SNX1: variants seen among roughly 807,000 people sequenced by gnomAD.
The protein encoded by SNX1 is sorting nexin-1.
Under a neutral mutation model 71.8 loss-of-function variants are expected in SNX1, and 36 were observed. That is an observed-to-expected ratio of 0.50 (90% CI 0.38 to 0.66). The LOEUF is 0.66. Ranked by LOEUF, SNX1 falls within the 30% of genes least tolerant of loss-of-function variation. SNX1 has a pLI of 0.00. For missense variants in SNX1, 612 were observed against 646.7 expected (o/e 0.95, Z 0.58); for synonymous variants, 254 against 240.7 (o/e 1.06, Z -0.51).
chr15:64,138,199 G>A lies in SNX1; in HGVS notation c.*581G>A. ...GCCTACCTCAGCTACCTGTTCTGAGGGTCTCAATCTGTTTCGTATTCCCAC... is the reference window on the plus strand; with the variant it reads ...GCCTACCTCAGCTACCTGTTCTGAGAGTCTCAATCTGTTTCGTATTCCCAC... On this transcript the variant is annotated 3_prime_UTR_variant, in exon 15 of 15. Coordinates refer to ENST00000559844, the MANE Select transcript of SNX1 (RefSeq NM_003099.5). 6.6e-7 allele frequency: 1 copy of A among 1,521,894 alleles called. No individual in the cohort carries two copies. The highest frequency in any genetic ancestry group is 1.2e-5 in the South Asian group (1 of 80,964). The allele number at this position is 1,521,894 out of a possible 1,614,324, so 94.3% of individuals were successfully genotyped here.
intron 4 of SNX1, among the ~76,000 whole-genome samples, 156 bp from the exon 5 acceptor site, chr15:64,123,347 A>G (rs573149656): frequency 2.0e-5 from 3 of 152,340 alleles, no homozygotes; most frequent in African/African-American, 7.2e-5. Context: ...CAAAGTAGGA[A>G]CTGGATTCTA....
chr15:64,131,588 A>G (rs2081307520), intron 10 of SNX1, 99 bp from the exon 11 acceptor site: 1 of 1,077,942 alleles, frequency 9.3e-7, no homozygotes, highest in Non-Finnish European at 1.4e-6. Flanking sequence ...CCAGATATGC[A>G]GTGGGCGGCA....
At chr15:64,102,478 AT>A (rs1280372917) in intron 1 of SNX1, among the ~76,000 whole-genome samples, 1 of 152,058 alleles carries the variant, frequency 6.6e-6, no homozygotes, top group Non-Finnish European at 1.5e-5. Context: ...ACTAGAACTT[AT>A]TCCTTCTAAT....
In SNX1 at chr15:64,138,311, G is replaced by T; in HGVS notation, c.*693G>T. ...CCTATTCTCCTGCAAAGGAGGCAGA[G>T]ACTTTCTCTCTCTCTTTTTTTTTTT... is the stretch of plus-strand genomic sequence containing the variant. On this transcript the variant is annotated 3_prime_UTR_variant, in exon 15 of 15. Coordinates refer to ENST00000559844, the MANE Select transcript of SNX1 (RefSeq NM_003099.5). 12 of 868,878 alleles carry T rather than the reference G, an allele frequency of 1.4e-5. No homozygotes were observed. The highest frequency in any genetic ancestry group is 1.6e-5 in the Non-Finnish European group (10 of 622,272). The allele number at this position is 868,878 out of a possible 1,614,324, so 53.8% of individuals were successfully genotyped here.
intron 1 of SNX1, among the ~76,000 whole-genome samples, chr15:64,099,721 A>AT (rs202078504): frequency 0.011 from 1,705 of 152,252 alleles, 42 homozygotes; most frequent in African/African-American, 0.039. Context: ...TAATGACTTC[A>AT]TTTTTTTGAG....
At chr15:64,118,946 C>G (rs1268528353) in intron 4 of SNX1, 92 bp downstream of exon 4, 1 of 897,360 alleles carries the variant, frequency 1.1e-6, no homozygotes, top group South Asian at 1.4e-5. Flanking sequence ...CAGAGTTGAA[C>G]TAGCCAATGT....
rs951133050 is a variant in SNX1 at position 64,143,607 on chromosome 15, C to T, written c.*5989C>T. ...GAAACTGATTGCAAATGTGCTACTTCTCACTTCTGTGTGGCCCGAGGAGGC... is the reference window on the plus strand; with the variant it reads ...GAAACTGATTGCAAATGTGCTACTTTTCACTTCTGTGTGGCCCGAGGAGGC... On this transcript the variant is annotated 3_prime_UTR_variant, in exon 15 of 15. Coordinates refer to ENST00000559844, the MANE Select transcript of SNX1 (RefSeq NM_003099.5). 3 of 152,268 alleles carry T rather than the reference C, an allele frequency of 2.0e-5. No individual in the cohort carries two copies. Among genetic ancestry groups the T allele is most frequent in the Non-Finnish European group, 4.4e-5 (3 of 68,064 alleles). The allele number at this position is 152,268 out of a possible 1,614,324, so 9.4% of individuals were successfully genotyped here.
chr15:64,135,495 C>T (rs1335690964), intron 12 of SNX1, among the ~76,000 whole-genome samples: 1 of 150,582 alleles, frequency 6.6e-6, no homozygotes, highest in Non-Finnish European at 1.5e-5. Context: ...CGGTGGCTCA[C>T]GCCTGTAATA....
rs747232429 is a variant in SNX1, at chr15:64,118,118, T to A, written c.273T>A (p.Asp91Glu). Residue 91 changes from aspartate (D) to glutamate (E), a missense_variant and splice_region_variant, in exon 3 of 15, where the codon GAT becomes GAA. By Grantham distance (45) the Asp-to-Glu change is conservative. Around this residue, in one of 2 missense-constraint regions of SNX1, gnomAD observed 316 missense variants for 284.9 expected, o/e 1.11. Transcript: ENST00000559844. The part of the protein sequence containing the change: ...QDQEPQDLFA[D>E]ATVELSLDST... ...TTTAAAATATCAACTTCATTTTAGA[T>A]GCCACAGTGGAGCTATCCTTGGACA... The A allele has an allele frequency of 8.1e-6, 13 of 1,610,726 alleles. No homozygotes were observed. The highest frequency in any genetic ancestry group is 1.1e-5 in the Non-Finnish European group (13 of 1,179,094).
chr15:64,097,079 C>G (rs954966202), intron 1 of SNX1, among the ~76,000 whole-genome samples: 6 of 152,238 alleles, frequency 3.9e-5, no homozygotes, highest in African/African-American at 1.4e-4. Flanking sequence ...ATTTTAAGTG[C>G]TCCTTTTATG....
Position 64,129,755 on chromosome 15 carries a change from A to G in SNX1, c.808-161A>G. 1.7e-6 allele frequency: 1 copy of G among 586,770 alleles called. No individual in the cohort carries two copies. The highest frequency in any genetic ancestry group is 2.8e-5 in the East Asian group (1 of 35,936). 36.3% of individuals were successfully genotyped at this position (586,770 alleles called of 1,614,324 possible). ...ATGGTTCTTTGATTTTTCTGTATGG[A>G]CATGTTAGTTGTGGATTCCTCAGAC... On this transcript the variant is annotated intron_variant, in intron 8 of 14. Transcript: ENST00000559844. This position sits in a 1 kb window ranked among gnomAD's most constrained non-coding sequence, Gnocchi z 4.4.
In SNX1 at chr15:64,116,500, C is replaced by T. The variant is rs566966917; in HGVS notation, c.272-1617C>T. ...ATTTCATTTCTAACAGTGTGGCACC[C>T]CTGTTTGCAGACTTGATTCACATTT... On this transcript the variant is annotated intron_variant, in intron 2 of 14. Transcript: ENST00000559844. Among the ~76,000 whole-genome samples the T allele has an allele frequency of 2.6e-5, 4 of 152,296 alleles. No individual in the cohort carries two copies. The South Asian group carries it at 8.3e-4, about 32-fold the overall frequency.
chr15:64,138,215 G>GT lies in SNX1; in HGVS notation c.*598dup. ...TGTTCTGAGGGTCTCAATCTGTTTC[G>GT]TATTCCCACTTCTTTAGGGAAGGAG... On this transcript the variant is annotated 3_prime_UTR_variant, in exon 15 of 15. Coordinates refer to ENST00000559844, the MANE Select transcript of SNX1 (RefSeq NM_003099.5). 1 of 1,505,068 alleles carries GT rather than the reference G, an allele frequency of 6.6e-7. No homozygotes were observed. Among genetic ancestry groups the GT allele is most frequent in the Non-Finnish European group, 8.8e-7 (1 of 1,136,894 alleles). 93.2% of individuals were successfully genotyped at this position (1,505,068 alleles called of 1,614,324 possible).
At position 64,112,666 on chromosome 15, in the gene SNX1, C is replaced by T. The variant is rs1173278342; in HGVS notation, c.253C>T (p.Pro85Ser). 1.2e-6 allele frequency: 2 copies of T among 1,611,280 alleles called. No individual in the cohort carries two copies. The highest frequency in any genetic ancestry group is 2.7e-5 in the African/African-American group (2 of 74,742). The change falls in exon 2 of 15, where the codon CCA (proline) becomes TCA (serine). Residue 85 changes from proline (P) to serine (S), a missense_variant. Coordinates refer to ENST00000559844, the MANE Select transcript of SNX1 (RefSeq NM_003099.5). ...GATCCATGAAGAACAAGACCAAGAGCCACAGGATCTCTTTGCAGGCAAGTT... is the reference window on the plus strand; with the variant it reads ...GATCCATGAAGAACAAGACCAAGAGTCACAGGATCTCTTTGCAGGCAAGTT... ...NGIHEEQDQE[P>S]QDLFADATVE... is the part of the protein sequence containing the mutation.
rs763003400 is a variant in SNX1 at position 64,134,704 on chromosome 15, A to T, written c.1262A>T (p.Gln421Leu). 6.2e-7 allele frequency: 1 copy of T among 1,613,292 alleles called. No homozygotes were observed. The highest frequency in any genetic ancestry group is 1.3e-5 in the African/African-American group (1 of 74,932). ...DQRMKTWQRW[Q>L]DAQATLQKKR... Reference sequence around the variant, plus strand: ...CGCATGAAGACATGGCAGCGCTGGCAGGATGCCCAAGCCACACTGCAGAAG... The same window carrying T: ...CGCATGAAGACATGGCAGCGCTGGCTGGATGCCCAAGCCACACTGCAGAAG... The change falls in exon 12 of 15, where the codon CAG (glutamine) becomes CTG (leucine). Residue 421 changes from glutamine to leucine, a missense_variant. Transcript: ENST00000559844. The surrounding 1 kb of genome is among the most constrained non-coding windows in gnomAD (Gnocchi z 4.1).
rs1371189533 is a variant in SNX1 at position 64,139,359 on chromosome 15, G to C, written c.*1741G>C. 1 of 133,102 alleles carries C rather than the reference G, an allele frequency of 7.5e-6. No homozygotes were observed. The highest frequency in any genetic ancestry group is 8.0e-5 in the Admixed American group (1 of 12,510). The allele number at this position is 133,102 out of a possible 1,614,324, so 8.2% of individuals were successfully genotyped here. A position where few individuals can be genotyped will look rare whatever the true frequency, so the allele number is the denominator to read the frequency against. Reference sequence around the variant, plus strand: ...TTCTTGGTCAGGGGTTGTTTGTTTTGTTTTATTGGTAACTTTAAAATTTTG... The same window carrying C: ...TTCTTGGTCAGGGGTTGTTTGTTTTCTTTTATTGGTAACTTTAAAATTTTG... On this transcript the variant is annotated 3_prime_UTR_variant, in exon 15 of 15. Transcript: ENST00000559844.
rs1217883476 is a variant in SNX1, at chr15:64,138,107, G to A, written c.*489G>A. 2 of 1,535,742 alleles carry A rather than the reference G, an allele frequency of 1.3e-6. No individual in the cohort carries two copies. The highest frequency in any genetic ancestry group is 8.7e-7 in the Non-Finnish European group (1 of 1,146,864). ...CCAAGAAGTTGCCCAGGTATAGTAA[G>A]TTTTTCTCTACCGTTCACAAGTTTT... On this transcript the variant is annotated 3_prime_UTR_variant, in exon 15 of 15. Transcript: ENST00000559844.
chr15:64,141,993 CA>C lies in SNX1; in HGVS notation c.*4376del, dbSNP rs534895577. 3.0e-4 allele frequency: 46 copies of C among 152,536 alleles called. No individual in the cohort carries two copies. Among genetic ancestry groups the C allele is most frequent in the African/African-American group, 1.0e-3 (43 of 41,512 alleles). The allele number at this position is 152,536 out of a possible 1,614,324, so 9.4% of individuals were successfully genotyped here. A position where few individuals can be genotyped will look rare whatever the true frequency, so the allele number is the denominator to read the frequency against. ...AACACATGAGGCAATAGGTTTGGGG[CA>C]GATGGGAGGGGAAGCAGTGGTGGGG... On this transcript the variant is annotated 3_prime_UTR_variant, in exon 15 of 15. Coordinates refer to ENST00000559844, the MANE Select transcript of SNX1 (RefSeq NM_003099.5). This position sits in a 1 kb window ranked among gnomAD's most constrained non-coding sequence, Gnocchi z 5.1.
At chr15:64,104,487 A>G (rs1216752853) in intron 1 of SNX1, among the ~76,000 whole-genome samples, 1 of 152,010 alleles carries the variant, frequency 6.6e-6, no homozygotes, top group Non-Finnish European at 1.5e-5. Flanking sequence ...GTTAGCCAGG[A>G]TGGTCTCAAT....
Sources: gnomAD v4.1 joint callset for allele counts (sites outside exome capture counted in the v4.1 genomes callset) on GRCh38, gnomAD v4.1.1 for gene constraint, gnomAD v4.1.1 regional missense constraint, Gnocchi (gnomAD v3.1) non-coding constraint, MANE v1.5 for transcripts, NCBI Gene and HGNC (gene_info 2026-07-23, HGNC 2026-07-21) for gene names.